Variants in FANCD2 observed in about 807,000 individuals in gnomAD.
The protein encoded by FANCD2 is FA complementation group D2.
A neutral mutation model predicts 192.3 loss-of-function variants in FANCD2; 131 were observed. The observed-to-expected ratio is 0.68, with a 90% CI of 0.59 to 0.79. FANCD2 has a LOEUF of 0.79. Among genes scored for constraint, FANCD2 ranks in the 30% least tolerant of loss-of-function variants. The pLI, the probability that FANCD2 is intolerant of heterozygous loss-of-function variation, is 0.00. For missense variants in FANCD2, 1,508 were observed against 1,701.6 expected, an observed-to-expected ratio of 0.89 and a Z score of 2.00; for synonymous variants, 524 against 612.5, an observed-to-expected ratio of 0.86 and a Z score of 2.13.
At chr3:10,042,055 T>C (rs1442019063) in intron 10 of FANCD2, among the ~76,000 whole-genome samples, 2 of 151,858 alleles carry the variant, frequency 1.3e-5, no homozygotes, top group African/African-American at 4.8e-5. Context: ...CTGCCACCAC[T>C]CCCGGCTAAT....
Position 10,101,445 on chromosome 3 carries a change from C to T in FANCD2, c.*183C>T. 1.8e-6 allele frequency: 1 copy of T among 543,032 alleles called. No individual in the cohort carries two copies. Among genetic ancestry groups the T allele is most frequent in the East Asian group, 3.1e-5 (1 of 32,468 alleles). 33.6% of individuals were successfully genotyped at this position (543,032 alleles called of 1,614,324 possible). ...GTGTTTCCCAGGCTGGAGTGCAGTG[C>T]TGCAATCTTGGCTCACTGCAACCTC... On this transcript the variant is annotated 3_prime_UTR_variant, in exon 44 of 44. Coordinates refer to ENST00000675286, the MANE Select transcript of FANCD2 (RefSeq NM_001018115.3).
intron 14 of FANCD2, chr3:10,046,331 A>G (rs552061421): frequency 3.6e-4 from 166 of 458,822 alleles, no homozygotes; most frequent in Admixed American, 1.1e-3. Flanking sequence ...GGGATTACAG[A>G]TGTGAGCCAC....
chr3:10,063,627 T>A (rs2087629654), intron 20 of FANCD2, among the ~76,000 whole-genome samples, 165 bp from the exon 21 acceptor site: 1 of 152,174 alleles, frequency 6.6e-6, no homozygotes, highest in Non-Finnish European at 1.5e-5. Flanking sequence ...AAAGGGATGA[T>A]ATCAGAAGGA....
chr3:10,046,436 G>C (rs1186288460), intron 14 of FANCD2, 144 bp from the exon 15 acceptor site: 11 of 1,363,086 alleles, frequency 8.1e-6, no homozygotes, highest in South Asian at 2.7e-5. Context: ...TTTGTGAAAA[G>C]TGTAGATACT....
rs2087656875 is a variant in FANCD2, at chr3:10,064,426, A to G, written c.2018A>G (p.Glu673Gly). 1 of 1,613,542 alleles carries G rather than the reference A, an allele frequency of 6.2e-7. No homozygotes were observed. The highest frequency in any genetic ancestry group is 8.5e-7 in the Non-Finnish European group (1 of 1,179,612). The change falls in exon 22 of 44, where the codon GAA becomes GGA. Residue 673 changes from glutamate to glycine, a missense_variant. Coordinates refer to ENST00000675286, the MANE Select transcript of FANCD2 (RefSeq NM_001018115.3). ...AFVVDSCVVP[E>G]GDFPFPVKAL... Reference sequence around the variant, plus strand: ...GTAGTGGACTCCTGTGTTGTTCCGGAAGGGTAGGTATTGTTTACCTGCTGG... The same window carrying G: ...GTAGTGGACTCCTGTGTTGTTCCGGGAGGGTAGGTATTGTTTACCTGCTGG...
At chr3:10,031,312 G>A (rs1449305748) in intron 2 of FANCD2, among the ~76,000 whole-genome samples, 5 of 152,174 alleles carry the variant, frequency 3.3e-5, no homozygotes, top group Admixed American at 2.0e-4. Context: ...GACCATCTTG[G>A]CTAACATGGT....
chr3:10,043,240 T>A, intron 12 of FANCD2, 90 bp downstream of exon 12: 1 of 940,986 alleles, frequency 1.1e-6, no homozygotes, highest in Admixed American at 1.9e-5. Flanking sequence ...ATAATGATAC[T>A]ATTATGACAT....
intron 19 of FANCD2, among the ~76,000 whole-genome samples, chr3:10,060,944 C>G (rs965245665): frequency 6.6e-6 from 1 of 152,192 alleles, no homozygotes; most frequent in Non-Finnish European, 1.5e-5. Flanking sequence ...TCTGAGACAT[C>G]AGGAGACATC....
At chr3:10,031,494 T>A (rs970089959) in intron 2 of FANCD2, among the ~76,000 whole-genome samples, 6 of 119,402 alleles carry the variant, frequency 5.0e-5, no homozygotes, top group Non-Finnish European at 1.0e-4. Context: ...AGAGCAAGAC[T>A]CCATTTCAAA....
At position 10,064,433 on chromosome 3, in the gene FANCD2, G is replaced by A. The variant is rs373001359; in HGVS notation, c.2021+4G>A. The A allele has an allele frequency of 6.2e-7, 1 of 1,613,588 alleles. No individual in the cohort carries two copies. The highest frequency in any genetic ancestry group is 1.3e-5 in the African/African-American group (1 of 74,918). ...ACTCCTGTGTTGTTCCGGAAGGGTA[G>A]GTATTGTTTACCTGCTGGCTTGGTT... On this transcript the variant is annotated splice_donor_region_variant and intron_variant, in intron 22 of 43. Transcript: ENST00000675286.
At chr3:10,086,490 ATCT>A (rs968856622) in intron 33 of FANCD2, among the ~76,000 whole-genome samples, 15 of 151,804 alleles carry the variant, frequency 9.9e-5, no homozygotes, top group Non-Finnish European at 1.9e-4. Context: ...AGGACCTTAT[ATCT>A]TCTTTTTTTT....
intron 32 of FANCD2, among the ~76,000 whole-genome samples, chr3:10,084,973 A>G (rs1440573700): frequency 6.6e-6 from 1 of 152,216 alleles, no homozygotes; most frequent in Non-Finnish European, 1.5e-5. Context: ...CTACACATGT[A>G]TTGATAGGGG....
Position 10,043,583 on chromosome 3 carries a change from C to T in FANCD2, c.1089C>T (p.Ala363=). 3 of 1,610,646 alleles carry T rather than the reference C, an allele frequency of 1.9e-6. No homozygotes were observed. In the East Asian group the frequency reaches 6.7e-5, roughly 36 times the overall value. The change falls in exon 13 of 44, where the codon GCC becomes GCT. Residue 363 remains alanine (A), a synonymous_variant. Transcript: ENST00000675286. ...GATATGAGAAAACCATTTCAGAAGC[C>T]TGGATTAAGGTGAGATCTTTGGAAC... The part of the protein sequence containing the change: ...AIRYEKTISE[A]WIKAIENTAS...
At position 10,085,837 on chromosome 3, in the gene FANCD2, C is replaced by G. The variant is rs747450518; in HGVS notation, c.3250C>G (p.Gln1084Glu). The G allele has an allele frequency of 1.2e-6, 2 of 1,613,458 alleles. No individual in the cohort carries two copies. The highest frequency in any genetic ancestry group is 1.1e-5 in the South Asian group (1 of 91,036). Residue 1084 changes from glutamine to glutamate, a missense_variant, in exon 33 of 44, where the codon CAG becomes GAG. This residue lies in a region of FANCD2 where 796 missense variants were observed against 879.4 expected (regional missense o/e 0.91). Transcript: ENST00000675286. ...AWSGFSQPEN[Q>E]NLLYSALHVL... ...GAGTGGATTTTCTCAACCTGAAAATCAGAATTTACTGTATTCAGCCCTCCA... is the reference window on the plus strand; with the variant it reads ...GAGTGGATTTTCTCAACCTGAAAATGAGAATTTACTGTATTCAGCCCTCCA...
chr3:10,051,406 AACAAAAAG>A lies in FANCD2; in HGVS notation c.1546-980_1546-973del, dbSNP rs1559381113. On this transcript the variant is annotated intron_variant, in intron 17 of 43. Transcript: ENST00000675286. ...AAAAAAAAAAAAAAAAAAAAAAAAA[AACAAAAAG>A]GAGTGAGGGATTTATCTCCCAGTGT... is the stretch of plus-strand genomic sequence containing the variant. Among the ~76,000 whole-genome samples the A allele has an allele frequency of 1.2e-3, 9 of 7,218 alleles. 1 individual carries two copies. The highest frequency in any genetic ancestry group is 7.6e-3 in the East Asian group (4 of 528). The allele number at this position is 7,218 out of a possible 152,430, so 4.7% of individuals were successfully genotyped here.
intron 42 of FANCD2, among the ~76,000 whole-genome samples, chr3:10,097,786 A>G (rs1229331920): frequency 6.6e-6 from 1 of 152,248 alleles, no homozygotes; most frequent in Non-Finnish European, 1.5e-5. Flanking sequence ...GTAAGTGTCC[A>G]TGAAATCTTT....
chr3:10,035,268 G>C (rs1465817393), intron 6 of FANCD2, 35 bp downstream of exon 6: 2 of 1,573,226 alleles, frequency 1.3e-6, no homozygotes, highest in Non-Finnish European at 1.7e-6. Context: ...ACATTTGATG[G>C]AAGAGGTTTG....
intron 36 of FANCD2, 97 bp downstream of exon 36, chr3:10,089,047 C>T (rs1694416325): frequency 7.3e-7 from 1 of 1,378,340 alleles, no homozygotes; most frequent in Admixed American, 1.7e-5. Context: ...CTTTGGGAGG[C>T]TGAGGCAGGA....
At chr3:10,075,573 T>C (rs574483745) in intron 29 of FANCD2, among the ~76,000 whole-genome samples, 1 of 152,172 alleles carries the variant, frequency 6.6e-6, no homozygotes, top group Admixed American at 6.6e-5. Context: ...TATATAGAAG[T>C]TGGGAGTAGA....
Sources: allele counts gnomAD v4.1 joint callset (sites outside exome capture counted in the v4.1 genomes callset), GRCh38; gene constraint gnomAD v4.1.1; regional missense constraint gnomAD v4.1.1; transcripts MANE v1.5; gene names NCBI Gene and HGNC (gene_info 2026-07-23, HGNC 2026-07-21).